LCN1: variants seen among roughly 807,000 people sequenced by gnomAD.
LCN1 encodes the protein lipocalin-1.
In LCN1, 25 loss-of-function variants were observed where a neutral mutation model predicts 22.3. That is an observed-to-expected ratio of 1.12 (90% CI 0.82 to 1.56). The LOEUF (loss-of-function observed/expected upper bound fraction) is 1.56, where lower values mean the gene tolerates loss of function less well. Ranked by LOEUF, LCN1 falls within the 40% of genes most tolerant of loss-of-function variation. The pLI, the probability that LCN1 is intolerant of heterozygous loss-of-function variation, is 0.00. For missense variants in LCN1, 219 were observed against 235.6 expected (o/e 0.93, Z 0.46); for synonymous variants, 85 against 97.6 (o/e 0.87, Z 0.76).
At chr9:135,524,768 GGA>G in intron 4 of LCN1, 60 bp from the exon 5 acceptor site, 1 of 1,339,776 alleles carries the variant, frequency 7.5e-7, no homozygotes, top group Non-Finnish European at 1.0e-6. Context: ...CTCCAGACTG[GGA>G]TGGGGTGCCG....
At chr9:135,523,556 C>G (rs1416531176) in intron 3 of LCN1, among the ~76,000 whole-genome samples, 5 of 152,232 alleles carry the variant, frequency 3.3e-5, no homozygotes, top group Admixed American at 3.3e-4. Context: ...GGCTGTGGCT[C>G]TGGCAGGGCC....
At chr9:135,526,116 A>G (rs1263678811) in intron 6 of LCN1, among the ~76,000 whole-genome samples, 28 of 31,096 alleles carry the variant, frequency 9.0e-4, no homozygotes, top group Admixed American at 2.0e-3. Flanking sequence ...CCCCCACACC[A>G]TCACCCCTGA....
At chr9:135,525,770 C>T (rs2118960054) in intron 6 of LCN1, among the ~76,000 whole-genome samples, 1 of 152,102 alleles carries the variant, frequency 6.6e-6, no homozygotes, top group East Asian at 1.9e-4. Flanking sequence ...GGTCCCTGCT[C>T]CATCCGCTCC....
At chr9:135,523,402 C>T in intron 3 of LCN1, 100 bp downstream of exon 3, 1 of 1,026,556 alleles carries the variant, frequency 9.7e-7, no homozygotes, top group South Asian at 1.6e-5. Flanking sequence ...CCTGGGAAGC[C>T]TTTTGCTGCC....
intron 4 of LCN1, 96 bp from the exon 5 acceptor site, chr9:135,524,734 C>A (rs1356241384): frequency 2.1e-6 from 2 of 940,602 alleles, no homozygotes; most frequent in Non-Finnish European, 3.2e-6. Context: ...TGGGCGAGGT[C>A]CCCTTCCCCA....
At chr9:135,526,319 T>C in intron 6 of LCN1, 25 bp from the exon 7 acceptor site, 6 of 1,028,312 alleles carry the variant, frequency 5.8e-6, no homozygotes, top group African/African-American at 4.6e-5. Context: ...TGTCCTGGCC[T>C]CACTCACCCT....
chr9:135,523,153 G>A, intron 2 of LCN1, 79 bp from the exon 3 acceptor site: 2 of 1,325,958 alleles, frequency 1.5e-6, no homozygotes, highest in Non-Finnish European at 2.1e-6. Context: ...CACATTTGCA[G>A]GGCATTGCAG....
rs1271846283 is a variant in LCN1, at chr9:135,524,814, G to A, written c.404-16G>A. ...GTGCTGCCTCGAGCACCCACATCTC[G>A]TCCTGGCACCCACAGGCAGAGACCC... On this transcript the variant is annotated splice_polypyrimidine_tract_variant and intron_variant, in intron 4 of 6. Coordinates refer to ENST00000371781, the MANE Select transcript of LCN1 (RefSeq NM_002297.4). The A allele has an allele frequency of 2.6e-5, 41 of 1,585,506 alleles. No individual in the cohort carries two copies. The highest frequency in any genetic ancestry group is 1.7e-4 in the Middle Eastern group (1 of 6,058).
Position 135,524,848 on chromosome 9 carries a change from ACCTGGAAG to A in LCN1, c.426_433del (p.Glu143GlyfsTer4). 1 of 1,606,190 alleles carries A rather than the reference ACCTGGAAG, an allele frequency of 6.2e-7. No individual in the cohort carries two copies. The highest frequency in any genetic ancestry group is 8.5e-7 in the Non-Finnish European group (1 of 1,176,474). ...CCCACAGGCAGAGACCCCAAGAACAACCTGGAAGCCTTGGAGGACTTTGAGAAAGCCGC... is the reference window on the plus strand; with the variant it reads ...CCCACAGGCAGAGACCCCAAGAACAACCTTGGAGGACTTTGAGAAAGCCGC... On this transcript the variant is annotated frameshift_variant, in exon 5 of 7. Coordinates refer to ENST00000371781, the MANE Select transcript of LCN1 (RefSeq NM_002297.4). LOFTEE classifies it high-confidence loss of function.
intron 2 of LCN1, among the ~76,000 whole-genome samples, chr9:135,522,583 A>T (rs1447393344): frequency 6.6e-6 from 1 of 152,204 alleles, no homozygotes; most frequent in Non-Finnish European, 1.5e-5. Flanking sequence ...AGGAGAAGAC[A>T]CCATGGAGAA....
chr9:135,524,966 C>A (rs1831595011), intron 5 of LCN1, 35 bp downstream of exon 5: 3 of 1,581,334 alleles, frequency 1.9e-6, no homozygotes, highest in East Asian at 2.3e-5. Context: ...CCCCCATGTC[C>A]CCGCGTGGGG....
At chr9:135,524,778 C>A in intron 4 of LCN1, 52 bp from the exon 5 acceptor site, 1 of 1,409,440 alleles carries the variant, frequency 7.1e-7, no homozygotes, top group Non-Finnish European at 9.7e-7. Flanking sequence ...GGATGGGGTG[C>A]CGTCGGCCCA....
In LCN1 at chr9:135,521,456, A is replaced by G; in HGVS notation, c.-42A>G. 6.4e-7 allele frequency: 1 copy of G among 1,566,692 alleles called. No homozygotes were observed. On this transcript the variant is annotated 5_prime_UTR_variant, in exon 1 of 7. Transcript: ENST00000371781. ...GACTGGTACAGCCTCTCCCAGCCCCAGCAAGCGACCTGTCAGGCGGCCGTG... is the reference window on the plus strand; with the variant it reads ...GACTGGTACAGCCTCTCCCAGCCCCGGCAAGCGACCTGTCAGGCGGCCGTG...
chr9:135,523,441 T>C (rs1588382369), intron 3 of LCN1, 139 bp downstream of exon 3: 1 of 703,182 alleles, frequency 1.4e-6, no homozygotes. Flanking sequence ...CCCACTCTCT[T>C]CTCCCACTGG....
intron 6 of LCN1, 144 bp downstream of exon 6, chr9:135,525,302 T>A: frequency 2.5e-6 from 2 of 790,560 alleles, no homozygotes; most frequent in Non-Finnish European, 4.1e-6. Flanking sequence ...GTGGGAGCTC[T>A]GCTCCTGAGC....
intron 2 of LCN1, among the ~76,000 whole-genome samples, 197 bp downstream of exon 2, chr9:135,522,374 G>A (rs1422962922): frequency 3.3e-5 from 5 of 152,222 alleles, no homozygotes; most frequent in East Asian, 1.9e-4. Flanking sequence ...CAGAGGCCCC[G>A]GATCAGACCC....
intron 1 of LCN1, 136 bp downstream of exon 1, chr9:135,521,723 G>A: frequency 1.2e-6 from 1 of 800,360 alleles, no homozygotes; most frequent in Non-Finnish European, 2.0e-6. Context: ...TGAGGGAATG[G>A]TGGGATGGGG....
intron 2 of LCN1, among the ~76,000 whole-genome samples, chr9:135,522,452 G>A (rs1314090174): frequency 5.3e-5 from 8 of 152,378 alleles, no homozygotes; most frequent in Admixed American, 2.0e-4. Context: ...GTCTGGTGAC[G>A]TGCAGGCCCC....
chr9:135,524,454 C>T (rs746221840), intron 4 of LCN1, among the ~76,000 whole-genome samples: 53 of 152,164 alleles, frequency 3.5e-4, no homozygotes, highest in Non-Finnish European at 7.1e-4. Context: ...TGTCAGAGGA[C>T]GAGGCCCATG....
Sources: allele counts gnomAD v4.1 joint callset (sites outside exome capture counted in the v4.1 genomes callset), GRCh38; gene constraint gnomAD v4.1.1; transcripts MANE v1.5; gene names NCBI Gene and HGNC (gene_info 2026-07-23, HGNC 2026-07-21).